Variants in PRKCB observed in about 807,000 individuals in gnomAD.
PRKCB encodes the protein protein kinase C beta, also known as protein kinase C beta type.
PRKCB carries 13 observed loss-of-function variants against 81.5 expected under a neutral mutation model. That is an observed-to-expected ratio of 0.16 (90% CI 0.10 to 0.25). The LOEUF (loss-of-function observed/expected upper bound fraction) is 0.25, where lower values mean the gene tolerates loss of function less well. PRKCB is among the 10% of genes least tolerant of loss of function. The pLI, the probability that PRKCB is intolerant of heterozygous loss-of-function variation, is 1.00. For synonymous variants in PRKCB, 335 were observed against 321.4 expected (o/e 1.04, Z -0.45); for missense variants, 509 against 875.7 (o/e 0.58, Z 5.29).
chr16:24,115,604 A>G (rs1264437474), intron 8 of PRKCB, among the ~76,000 whole-genome samples: 1 of 149,622 alleles, frequency 6.7e-6, no homozygotes, highest in Non-Finnish European at 1.5e-5. Flanking sequence ...TATCCCAAGG[A>G]TAGCATTTAT....
chr16:24,112,533 A>G (rs1966687981), intron 7 of PRKCB, among the ~76,000 whole-genome samples: 2 of 152,038 alleles, frequency 1.3e-5, no homozygotes, highest in Admixed American at 6.5e-5. Context: ...GTGAGACCCT[A>G]TCTCTAAAAG....
chr16:24,174,118 T>G (rs1332120395), intron 11 of PRKCB: 4 of 171,628 alleles, frequency 2.3e-5, no homozygotes, highest in African/African-American at 9.6e-5. Context: ...CAAGCGATCC[T>G]CTTGCCTCAG....
chr16:24,140,969 G>A (rs1288843754), intron 9 of PRKCB, among the ~76,000 whole-genome samples: 2 of 152,184 alleles, frequency 1.3e-5, no homozygotes, highest in African/African-American at 4.8e-5. Flanking sequence ...CAGTTTGGAA[G>A]TCAAAAGCAA....
chr16:23,927,772 A>G (rs1963916593), intron 2 of PRKCB, among the ~76,000 whole-genome samples: 1 of 152,000 alleles, frequency 6.6e-6, no homozygotes, highest in Non-Finnish European at 1.5e-5. Flanking sequence ...CTTGGGTACT[A>G]GGTGCGCTGG....
intron 3 of PRKCB, among the ~76,000 whole-genome samples, chr16:24,027,899 A>G (rs1965502779): frequency 6.6e-6 from 1 of 151,852 alleles, no homozygotes; most frequent in Non-Finnish European, 1.5e-5. Context: ...CCTCCCTAGT[A>G]GCTAGAACTA....
intron 7 of PRKCB, among the ~76,000 whole-genome samples, chr16:24,094,809 G>GAGGGAGGA (rs749385454): frequency 4.3e-5 from 5 of 116,650 alleles, no homozygotes; most frequent in Non-Finnish European, 8.9e-5. Flanking sequence ...GGAAGGGAGG[G>GAGGGAGGA]AGGAAGGAAG....
chr16:23,943,020 G>C (rs1008801030), intron 2 of PRKCB, among the ~76,000 whole-genome samples: 3 of 152,156 alleles, frequency 2.0e-5, no homozygotes, highest in African/African-American at 7.2e-5. Context: ...CTAGAAATAG[G>C]AGTGTAGAAA....
rs1257018208 is a variant in PRKCB, at chr16:23,979,641, G to A, written c.206-8867G>A. On this transcript the variant is annotated intron_variant, in intron 2 of 16. Transcript: ENST00000643927. ...GGGATTTAGCAACTGACTGAATGGC[G>A]GGGGTGAGGAAAGCGGGGGAGGCTT... Among the ~76,000 whole-genome samples the A allele has an allele frequency of 3.3e-5, 5 of 152,244 alleles. 1 individual carries two copies. Among genetic ancestry groups the A allele is most frequent in the Middle Eastern group, 6.8e-3 (2 of 294 alleles).
At chr16:24,112,739 A>G (rs1204995163) in intron 7 of PRKCB, among the ~76,000 whole-genome samples, 1 of 151,868 alleles carries the variant, frequency 6.6e-6, no homozygotes, top group Non-Finnish European at 1.5e-5. Flanking sequence ...TGTGATATAC[A>G]TTTTTTTTCT....
intron 2 of PRKCB, among the ~76,000 whole-genome samples, chr16:23,861,904 T>A (rs1962672715): frequency 6.6e-6 from 1 of 152,220 alleles, no homozygotes; most frequent in Admixed American, 6.5e-5. Context: ...TTTTGTTAGA[T>A]AATTCTCTTA....
chr16:23,989,548 G>A (rs1449174394), intron 3 of PRKCB, among the ~76,000 whole-genome samples: 2 of 152,086 alleles, frequency 1.3e-5, no homozygotes, highest in African/African-American at 4.8e-5. Flanking sequence ...ATTTTAATGT[G>A]GATTGGGAAA....
At position 24,218,856 on chromosome 16, in the gene PRKCB, G is replaced by A. The variant is rs1031635592; in HGVS notation, c.*4040G>A. 19 of 985,308 alleles carry A rather than the reference G, an allele frequency of 1.9e-5. No individual in the cohort carries two copies. The highest frequency in any genetic ancestry group is 2.2e-5 in the Non-Finnish European group (18 of 829,956). 61.0% of individuals were successfully genotyped at this position (985,308 alleles called of 1,614,324 possible). Reference sequence around the variant, plus strand: ...TTGTCTTGTAATAAAACAGCCATGGGGTTGTCCCTCCAGTCCGAGAGACTG... The same window carrying A: ...TTGTCTTGTAATAAAACAGCCATGGAGTTGTCCCTCCAGTCCGAGAGACTG... On this transcript the variant is annotated 3_prime_UTR_variant, in exon 17 of 17. Coordinates refer to ENST00000643927, the MANE Select transcript of PRKCB (RefSeq NM_002738.7).
At chr16:24,182,204 A>C (rs1423266049) in intron 13 of PRKCB, among the ~76,000 whole-genome samples, 1 of 152,062 alleles carries the variant, frequency 6.6e-6, no homozygotes, top group Non-Finnish European at 1.5e-5. Context: ...TGCAGTTTAG[A>C]GTCGTGAGGG....
At chr16:24,128,514 C>T (rs920486815) in intron 9 of PRKCB, among the ~76,000 whole-genome samples, 7 of 152,078 alleles carry the variant, frequency 4.6e-5, no homozygotes, top group African/African-American at 1.2e-4. Context: ...TGTGTAAGCC[C>T]GTTTCAAAAT....
At chr16:23,882,448 C>G (rs2141109923) in intron 2 of PRKCB, among the ~76,000 whole-genome samples, 1 of 152,266 alleles carries the variant, frequency 6.6e-6, no homozygotes, top group African/African-American at 2.4e-5. Flanking sequence ...TGGTCTCAAA[C>G]TCCTGGCCTC....
chr16:23,950,776 A>G (rs1014765854), intron 2 of PRKCB, among the ~76,000 whole-genome samples: 2 of 152,134 alleles, frequency 1.3e-5, no homozygotes, highest in African/African-American at 2.4e-5. Context: ...TAGCAAGTGA[A>G]ACTTTATTTT....
intron 2 of PRKCB, among the ~76,000 whole-genome samples, chr16:23,934,750 C>T (rs115861725): frequency 0.021 from 3,200 of 152,078 alleles, 59 homozygotes; most frequent in South Asian, 0.056. Flanking sequence ...GTGGAATTTG[C>T]GCACATGGAG....
intron 7 of PRKCB, among the ~76,000 whole-genome samples, chr16:24,110,470 CA>C (rs1966661543): frequency 6.7e-6 from 1 of 148,342 alleles, no homozygotes; most frequent in African/African-American, 2.5e-5. Flanking sequence ...CTTGGTCTAC[CA>C]AAGTACTGGG....
chr16:23,967,733 ACCTC>A (rs916333075), intron 2 of PRKCB, among the ~76,000 whole-genome samples: 26 of 151,718 alleles, frequency 1.7e-4, no homozygotes, highest in African/African-American at 6.3e-4. Flanking sequence ...GCCCACTGCA[ACCTC>A]CACCTCCCAG....
Sources: gnomAD v4.1 joint callset for allele counts (sites outside exome capture counted in the v4.1 genomes callset) on GRCh38, gnomAD v4.1.1 for gene constraint, MANE v1.5 for transcripts, NCBI Gene and HGNC (gene_info 2026-07-23, HGNC 2026-07-21) for gene names.